The following SNX10 variants were observed in gnomAD, a reference collection of about 807,000 sequenced individuals.
SNX10 encodes the protein sorting nexin-10.
SNX10 carries 25 observed loss-of-function variants against 28.5 expected under a neutral mutation model. That is an observed-to-expected ratio of 0.88 (90% confidence interval 0.64 to 1.22). The LOEUF (loss-of-function observed/expected upper bound fraction) is 1.22. Ranked by LOEUF, SNX10 falls within the 50% of genes most tolerant of loss-of-function variation. The pLI is 0.00. For missense variants in SNX10, 223 were observed against 242.6 expected (o/e 0.92, Z 0.54); for synonymous variants, 62 against 81.4 (o/e 0.76, Z 1.28).
At chr7:26,361,284 A>G (rs1038151081) in intron 3 of SNX10, among the ~76,000 whole-genome samples, 1 of 152,134 alleles carries the variant, frequency 6.6e-6, no homozygotes, top group African/African-American at 2.4e-5. Context: ...TAACATTTTA[A>G]TGTTTATTGC....
intron 1 of SNX10, among the ~76,000 whole-genome samples, chr7:26,307,693 T>A (rs968107646): frequency 7.4e-5 from 11 of 149,482 alleles, no homozygotes; most frequent in Admixed American, 1.3e-4. Flanking sequence ...TTTTTTTTTT[T>A]AATAGTCTTT....
chr7:26,353,460 T>TGAG (rs1554359912), intron 2 of SNX10, among the ~76,000 whole-genome samples: 1 of 83,432 alleles, frequency 1.2e-5, no homozygotes, highest in Non-Finnish European at 2.4e-5. Context: ...TTTTTTTTTT[T>TGAG]GGTGGGGAGA....
intron 1 of SNX10, among the ~76,000 whole-genome samples, chr7:26,316,793 A>G (rs539213244): frequency 3.3e-5 from 5 of 152,334 alleles, no homozygotes; most frequent in African/African-American, 1.2e-4. Context: ...TCATCAGTGC[A>G]GTGCCCTAAG....
intron 2 of SNX10, chr7:26,357,040 A>G: frequency 8.3e-7 from 1 of 1,205,574 alleles, no homozygotes; most frequent in South Asian, 1.5e-5. Context: ...TACTAATGGA[A>G]GGCATTGGAT....
chr7:26,349,439 A>T (rs1788511939), intron 2 of SNX10, among the ~76,000 whole-genome samples: 1 of 152,040 alleles, frequency 6.6e-6, no homozygotes, highest in Non-Finnish European at 1.5e-5. Flanking sequence ...GAAAGAGGAG[A>T]AAAGGGAGTG....
At position 26,372,707 on chromosome 7, in the gene SNX10, G is replaced by A; in HGVS notation, c.*135G>A. 4.9e-6 allele frequency: 3 copies of A among 608,750 alleles called. No individual in the cohort carries two copies. The highest frequency in any genetic ancestry group is 2.1e-5 in the South Asian group (1 of 47,578). The allele number at this position is 608,750 out of a possible 1,614,324, so 37.7% of individuals were successfully genotyped here. ...GTATTTAAATTCTTAAAGATGTTGGGTTGTTTATTAGTGGTATTTTTATGT... is the reference window on the plus strand; with the variant it reads ...GTATTTAAATTCTTAAAGATGTTGGATTGTTTATTAGTGGTATTTTTATGT... On this transcript the variant is annotated 3_prime_UTR_variant, in exon 7 of 7. Coordinates refer to ENST00000338523, the MANE Select transcript of SNX10 (RefSeq NM_013322.3).
intron 1 of SNX10, among the ~76,000 whole-genome samples, chr7:26,323,512 G>A (rs1190899191): frequency 2.0e-5 from 3 of 152,118 alleles, no homozygotes; most frequent in Admixed American, 6.5e-5. Context: ...CGAGGCAGCG[G>A]AACACAGAGG....
intron 1 of SNX10, among the ~76,000 whole-genome samples, chr7:26,315,423 C>T (rs547827766): frequency 2.6e-5 from 4 of 152,188 alleles, no homozygotes; most frequent in Admixed American, 2.6e-4. Context: ...AATCCCAGCA[C>T]TTTGGAAGGC....
chr7:26,356,725 G>C (rs1301740587), intron 2 of SNX10, among the ~76,000 whole-genome samples: 2 of 152,210 alleles, frequency 1.3e-5, no homozygotes, highest in Admixed American at 6.5e-5. Context: ...GAAGCTATCA[G>C]AAGGATTTTC....
intron 1 of SNX10, among the ~76,000 whole-genome samples, chr7:26,312,551 C>T (rs768568242): frequency 1.1e-4 from 16 of 152,116 alleles, no homozygotes; most frequent in Middle Eastern, 6.8e-3. Context: ...TTTGGGAGGC[C>T]GAGGCTGTCG....
intron 1 of SNX10, among the ~76,000 whole-genome samples, chr7:26,296,989 A>T (rs1477618701): frequency 6.6e-6 from 1 of 152,282 alleles, no homozygotes; most frequent in African/African-American, 2.4e-5. Context: ...GGAAAAGATT[A>T]GATCCCTGAC....
chr7:26,313,582 A>G (rs1178817810), intron 1 of SNX10, among the ~76,000 whole-genome samples: 1 of 152,218 alleles, frequency 6.6e-6, no homozygotes, highest in Non-Finnish European at 1.5e-5. Flanking sequence ...TAATTTAGGC[A>G]TTAGACGAAT....
rs1393468563 is a variant in SNX10 at position 26,365,071 on chromosome 7, A to G, written c.237A>G (p.Lys79=). Residue 79 remains lysine (K), a synonymous_variant, in exon 5 of 7, where the codon AAA becomes AAG. Transcript: ENST00000338523. ...LLVQLPELPS[K]NLFFNMNNRQ... is the part of the protein sequence containing the mutation. Reference sequence around the variant, plus strand: ...GACAACTGCCAGAACTTCCATCTAAAAACCTGTTTTTCAACATGAACAATC... The same window carrying G: ...GACAACTGCCAGAACTTCCATCTAAGAACCTGTTTTTCAACATGAACAATC... 1.9e-6 allele frequency: 3 copies of G among 1,611,724 alleles called. No homozygotes were observed. The highest frequency in any genetic ancestry group is 3.3e-5 in the Admixed American group (2 of 60,016).
At chr7:26,303,792 A>G (rs2127994635) in intron 1 of SNX10, among the ~76,000 whole-genome samples, 1 of 152,292 alleles carries the variant, frequency 6.6e-6, no homozygotes, top group African/African-American at 2.4e-5. Context: ...AGGGACTTGT[A>G]TCTTATTCCT....
At chr7:26,298,335 A>ATT (rs1304849110) in intron 1 of SNX10, among the ~76,000 whole-genome samples, 1 of 152,244 alleles carries the variant, frequency 6.6e-6, no homozygotes, top group African/African-American at 2.4e-5. Context: ...GGCAAAGGCT[A>ATT]TTCATAGGTA....
intron 1 of SNX10, among the ~76,000 whole-genome samples, chr7:26,304,466 A>G (rs1456138258): frequency 6.6e-6 from 1 of 152,216 alleles, no homozygotes; most frequent in Non-Finnish European, 1.5e-5. Flanking sequence ...GTACATCAGA[A>G]CGTGTCACTC....
rs543859884 is a variant in SNX10, at chr7:26,325,830, C to T, written c.-23-20590C>T. Among the ~76,000 whole-genome samples the T allele has an allele frequency of 1.7e-4, 26 of 151,514 alleles. No homozygotes were observed. In the East Asian group the frequency reaches 4.3e-3, roughly 25 times the overall value. ...GCAACCTCTACCTCCTGGGTTCCAG[C>T]GATTCTCCTGCCTCAGCCTCCCGAG... On this transcript the variant is annotated intron_variant, in intron 1 of 6. Transcript: ENST00000338523.
At chr7:26,333,822 G>A (rs73283394) in intron 1 of SNX10, among the ~76,000 whole-genome samples, 3,899 of 152,212 alleles carry the variant, frequency 0.026, 148 homozygotes, top group African/African-American at 0.088. Context: ...GTAAGGCATC[G>A]AGGAATACAT....
chr7:26,354,769 G>T (rs1421537496), intron 2 of SNX10, among the ~76,000 whole-genome samples: 1 of 151,954 alleles, frequency 6.6e-6, no homozygotes, highest in Non-Finnish European at 1.5e-5. Context: ...TCTTTAATTT[G>T]CCCTTTTAAC....
Sources: gnomAD v4.1 joint callset for allele counts (sites outside exome capture counted in the v4.1 genomes callset) on GRCh38, gnomAD v4.1.1 for gene constraint, MANE v1.5 for transcripts, NCBI Gene and HGNC (gene_info 2026-07-23, HGNC 2026-07-21) for gene names.